The following MGAT5B variants were observed in gnomAD, a reference collection of about 807,000 sequenced individuals.
The protein encoded by MGAT5B is N-acetylglucosaminyl-transferase Vb.
In MGAT5B, 54 loss-of-function variants were observed where a neutral mutation model predicts 95.1. That is an observed-to-expected ratio of 0.57 (90% CI 0.46 to 0.71). The LOEUF (loss-of-function observed/expected upper bound fraction) is 0.71. MGAT5B is among the 30% of genes least tolerant of loss of function. The pLI is 0.00. For synonymous variants in MGAT5B, 464 were observed against 451.0 expected (o/e 1.03, Z -0.36); for missense variants, 935 against 1,088.6 (o/e 0.86, Z 1.99).
In MGAT5B at chr17:76,915,541, G is replaced by A. The variant is rs1393725781; in HGVS notation, c.1025+9354G>A. On this transcript the variant is annotated intron_variant, in intron 8 of 17. Transcript: ENST00000569840. The surrounding 1 kb of genome is among the most constrained non-coding windows in gnomAD (Gnocchi z 8.7). ...AACAAACAGGATTCGAACCAAATAT[G>A]GCAAAATGTTAAGGCTTGATGAGGC... 6.6e-6 allele frequency among the ~76,000 whole-genome samples: 1 copy of A among 152,166 alleles called. No homozygotes were observed. Among genetic ancestry groups the A allele is most frequent in the Non-Finnish European group, 1.5e-5 (1 of 68,024 alleles).
intron 8 of MGAT5B, among the ~76,000 whole-genome samples, chr17:76,923,441 C>A (rs949751675): frequency 7.2e-5 from 11 of 152,136 alleles, no homozygotes; most frequent in African/African-American, 2.4e-4. Flanking sequence ...AGATGGGACC[C>A]GATGGCCTGG....
At chr17:76,904,514 A>T (rs1968445368) in intron 6 of MGAT5B, 92 bp downstream of exon 6, 1 of 1,374,134 alleles carries the variant, frequency 7.3e-7, no homozygotes, top group African/African-American at 1.4e-5. Flanking sequence ...TGAGGGAATG[A>T]GACTGAGCTG....
Position 76,869,974 on chromosome 17 carries a change from C to T in MGAT5B, c.68+877C>T, listed in dbSNP as rs1466067266. 6.6e-6 allele frequency among the ~76,000 whole-genome samples: 1 copy of T among 152,160 alleles called. No individual in the cohort carries two copies. Among genetic ancestry groups the T allele is most frequent in the Non-Finnish European group, 1.5e-5 (1 of 68,004 alleles). On this transcript the variant is annotated intron_variant, in intron 1 of 17. Transcript: ENST00000569840. The surrounding 1 kb of genome is among the most constrained non-coding windows in gnomAD (Gnocchi z 7.0). Reference sequence around the variant, plus strand: ...GAGGGGGCGCTGCCCAGTGGACGCCCGGCGGGGCCCGAGTGTCACCCCGTG... The same window carrying T: ...GAGGGGGCGCTGCCCAGTGGACGCCTGGCGGGGCCCGAGTGTCACCCCGTG...
intron 15 of MGAT5B, among the ~76,000 whole-genome samples, chr17:76,942,298 C>T (rs891560610): frequency 2.0e-5 from 3 of 152,146 alleles, no homozygotes; most frequent in Non-Finnish European, 2.9e-5. Flanking sequence ...GAGGCCGAAG[C>T]GGGCGGATCA....
intron 9 of MGAT5B, among the ~76,000 whole-genome samples, chr17:76,926,013 G>A (rs932721458): frequency 3.9e-5 from 6 of 152,182 alleles, no homozygotes; most frequent in African/African-American, 1.4e-4. Context: ...AGCAGAGGGA[G>A]AAGGGCCCTG....
rs374152657 is a variant in MGAT5B at position 76,940,573 on chromosome 17, C to G, written c.1731+25C>G. On this transcript the variant is annotated intron_variant, in intron 14 of 17. Coordinates refer to ENST00000569840, the MANE Select transcript of MGAT5B (RefSeq NM_001199172.2). This position sits in a 1 kb window ranked among gnomAD's most constrained non-coding sequence, Gnocchi z 4.3. ...GGTGAGTGGAAAGCATCCTGGTCCC[C>G]GATCAGGAGGGGCCGGGACAGAGAC... 339 of 1,596,642 alleles carry G rather than the reference C, an allele frequency of 2.1e-4. No homozygotes were observed. Among genetic ancestry groups the G allele is most frequent in the Non-Finnish European group, 2.7e-4 (317 of 1,168,442 alleles).
intron 3 of MGAT5B, among the ~76,000 whole-genome samples, chr17:76,893,861 T>C (rs919685873): frequency 6.6e-6 from 1 of 152,148 alleles, no homozygotes; most frequent in Non-Finnish European, 1.5e-5. Context: ...GTCTTGGCCT[T>C]GGTCCTGATG....
chr17:76,904,038 A>T (rs1968423092), intron 5 of MGAT5B, among the ~76,000 whole-genome samples: 1 of 152,174 alleles, frequency 6.6e-6, no homozygotes, highest in African/African-American at 2.4e-5. Flanking sequence ...CTTTCCAGAC[A>T]TGAGGGCTGG....
At chr17:76,921,529 G>A (rs1969123955) in intron 8 of MGAT5B, among the ~76,000 whole-genome samples, 1 of 152,152 alleles carries the variant, frequency 6.6e-6, no homozygotes, top group Admixed American at 6.5e-5. Flanking sequence ...GACTGCCCAA[G>A]CGGGTCCTGC....
At chr17:76,904,496 C>T (rs1968444331) in intron 6 of MGAT5B, 74 bp downstream of exon 6, 1 of 1,461,316 alleles carries the variant, frequency 6.8e-7, no homozygotes, top group African/African-American at 1.4e-5. Context: ...GGACAGAAAC[C>T]TCTGTCCTGA....
At chr17:76,924,900 A>G in intron 8 of MGAT5B, 66 bp from the exon 9 acceptor site, 1 of 1,591,840 alleles carries the variant, frequency 6.3e-7, no homozygotes, top group Non-Finnish European at 8.6e-7. Context: ...GGCTCTAAGG[A>G]ACTGGGGTGG....
Position 76,940,854 on chromosome 17 carries a change from A to G in MGAT5B, c.1848+6A>G, listed in dbSNP as rs761630896. ...AGGCCATTATGAGAACTCAGGTGAG[A>G]GCAGCCACATACAGTTGAGACCCCC... On this transcript the variant is annotated splice_donor_region_variant and intron_variant, in intron 15 of 17. Coordinates refer to ENST00000569840, the MANE Select transcript of MGAT5B (RefSeq NM_001199172.2). This position sits in a 1 kb window ranked among gnomAD's most constrained non-coding sequence, Gnocchi z 4.3. The G allele has an allele frequency of 2.5e-6, 4 of 1,608,630 alleles. No individual in the cohort carries two copies. In the African/African-American group the frequency reaches 4.0e-5, roughly 16 times the overall value.
intron 15 of MGAT5B, 81 bp from the exon 16 acceptor site, chr17:76,946,295 C>A (rs1262549731): frequency 3.1e-5 from 39 of 1,239,684 alleles, no homozygotes; most frequent in Non-Finnish European, 4.3e-5. Context: ...CACCAGACCT[C>A]CACCCCCAAT....
chr17:76,926,839 C>A, intron 10 of MGAT5B, 109 bp downstream of exon 10: 2 of 1,383,596 alleles, frequency 1.4e-6, no homozygotes, highest in Non-Finnish European at 2.0e-6. Flanking sequence ...CCTTCTCCAG[C>A]CAGTGGGGTT....
chr17:76,872,139 G>A (rs550773949), intron 1 of MGAT5B, among the ~76,000 whole-genome samples: 18 of 149,820 alleles, frequency 1.2e-4, no homozygotes, highest in Non-Finnish European at 2.2e-4. Flanking sequence ...TGGCCAGTCC[G>A]TGGTGCAGGC....
chr17:76,928,269 G>T (rs370344752), intron 10 of MGAT5B, among the ~76,000 whole-genome samples: 3 of 152,266 alleles, frequency 2.0e-5, no homozygotes, highest in African/African-American at 4.8e-5. Flanking sequence ...AGTGCTTGGG[G>T]TAGAGCAAGC....
Position 76,882,161 on chromosome 17 carries a change from C to G in MGAT5B, c.192C>G (p.Gly64=). The change falls in exon 3 of 18, where the codon GGC becomes GGG. Residue 64 remains glycine, a synonymous_variant. Coordinates refer to ENST00000569840, the MANE Select transcript of MGAT5B (RefSeq NM_001199172.2). ...ACACTCTGCCCACAGTGATGGGGGG[C>G]CCCGAGTCCCGCGGCGTCCTGCGCA... ...PFTIRTEVMG[G]PESRGVLRKM... is the part of the protein sequence containing the mutation. The G allele has an allele frequency of 6.2e-7, 1 of 1,609,852 alleles. No individual in the cohort carries two copies. Among genetic ancestry groups the G allele is most frequent in the South Asian group, 1.1e-5 (1 of 90,424 alleles).
In MGAT5B at chr17:76,869,455, G is replaced by T. The variant is rs1282058018; in HGVS notation, c.68+358G>T. Among the ~76,000 whole-genome samples, 2 of 152,078 alleles carry T rather than the reference G, an allele frequency of 1.3e-5. No individual in the cohort carries two copies. The highest frequency in any genetic ancestry group is 2.9e-5 in the Non-Finnish European group (2 of 68,008). On this transcript the variant is annotated intron_variant, in intron 1 of 17. Coordinates refer to ENST00000569840, the MANE Select transcript of MGAT5B (RefSeq NM_001199172.2). The surrounding 1 kb of genome is among the most constrained non-coding windows in gnomAD (Gnocchi z 7.0). ...CAGGGTCCTTCCTCACCCCGCGGAC[G>T]GTCCCATCCGGGTGGCAAAGTTAGT...
At chr17:76,873,036 C>A in intron 2 of MGAT5B, 73 bp downstream of exon 2, 1 of 1,545,842 alleles carries the variant, frequency 6.5e-7, no homozygotes, top group Non-Finnish European at 8.8e-7. Context: ...TGCCTCTGAG[C>A]CTAGCCCTGT....
Sources: gnomAD v4.1 joint callset for allele counts (sites outside exome capture counted in the v4.1 genomes callset) on GRCh38, gnomAD v4.1.1 for gene constraint, Gnocchi (gnomAD v3.1) non-coding constraint, MANE v1.5 for transcripts, NCBI Gene and HGNC (gene_info 2026-07-23, HGNC 2026-07-21) for gene names.